Variants in ZMYM6 observed in about 807,000 individuals in gnomAD.
ZMYM6 encodes the protein zinc finger MYM-type containing 6.
A neutral mutation model predicts 134.0 loss-of-function variants in ZMYM6; 90 were observed. The observed-to-expected ratio is 0.67, with a 90% CI of 0.57 to 0.80. The LOEUF (loss-of-function observed/expected upper bound fraction) is 0.80. Among genes scored for constraint, ZMYM6 ranks in the 30% least tolerant of loss-of-function variants. The pLI, the probability that ZMYM6 is intolerant of heterozygous loss-of-function variation, is 0.00. For missense variants in ZMYM6, 1,362 were observed against 1,533.9 expected (o/e 0.89, Z 1.87); for synonymous variants, 481 against 524.1 (o/e 0.92, Z 1.12).
In ZMYM6 at chr1:34,992,097, TCAAAG is replaced by T. The variant is rs747776274; in HGVS notation, c.2146+132_2146+136del. The T allele has an allele frequency of 1.2e-5, 13 of 1,112,602 alleles. No homozygotes were observed. In the African/African-American group the frequency reaches 1.9e-4, roughly 16 times the overall value. 68.9% of individuals were successfully genotyped at this position (1,112,602 alleles called of 1,614,324 possible). ...ATTATGAAAGCAATAAATTAAGTAT[TCAAAG>T]CATGTGATCCAAGAAAAGGAATGTT... is the stretch of plus-strand genomic sequence containing the variant. On this transcript the variant is annotated intron_variant, in intron 15 of 15. Transcript: ENST00000357182.
intron 2 of ZMYM6, among the ~76,000 whole-genome samples, chr1:35,024,082 G>C (rs917233886): frequency 1.3e-5 from 2 of 152,044 alleles, no homozygotes; most frequent in African/African-American, 4.8e-5. Context: ...GCTCATTGAT[G>C]TTTCAATTGC....
At chr1:35,024,787 T>C (rs1314547444) in intron 2 of ZMYM6, among the ~76,000 whole-genome samples, 1 of 152,166 alleles carries the variant, frequency 6.6e-6, no homozygotes. Context: ...CTTCCTCTCC[T>C]TCCCATATAG....
intron 15 of ZMYM6, chr1:34,989,151 A>C (rs531916520): frequency 7.4e-5 from 98 of 1,333,296 alleles, no homozygotes; most frequent in Middle Eastern, 2.9e-4. Flanking sequence ...AGGTATAATA[A>C]AACTGTAGGA....
At chr1:34,990,370 C>T in intron 15 of ZMYM6, 2 of 206,914 alleles carry the variant, frequency 9.7e-6, no homozygotes, top group South Asian at 5.6e-5. Flanking sequence ...GTAATCCCAG[C>T]TACTCAGGAG....
At position 35,019,389 on chromosome 1, in the gene ZMYM6, G is replaced by C. The variant is rs749819751; in HGVS notation, c.392C>G (p.Pro131Arg). The change falls in exon 4 of 16, where the codon CCA (proline) becomes CGA (arginine). Residue 131 changes from proline (P) to arginine (R), a missense_variant. By Grantham distance (103) the Pro-to-Arg change is moderately radical. Around this residue, in one of 3 missense-constraint regions of ZMYM6, gnomAD observed 503 missense variants for 520.8 expected, o/e 0.97. Transcript: ENST00000357182. Reference protein sequence around the residue: ...ITRHSSPACLPPPPKKTCTNC... With the variant: ...ITRHSSPACLRPPPKKTCTNC... ...TGTGCAGGTTTTCTTGGGAGGAGGT[G>C]GCAGGCAGGCAGGTGAAGAATGTCT... The C allele has an allele frequency of 6.2e-7, 1 of 1,614,158 alleles. No individual in the cohort carries two copies. The highest frequency in any genetic ancestry group is 8.5e-7 in the Non-Finnish European group (1 of 1,180,022).
Position 35,010,942 on chromosome 1 carries a change from A to G in ZMYM6, c.1157T>C (p.Val386Ala), listed in dbSNP as rs1641073717. 1.2e-6 allele frequency: 2 copies of G among 1,612,664 alleles called. No homozygotes were observed. The highest frequency in any genetic ancestry group is 2.2e-5 in the East Asian group (1 of 44,886). ...VVSPPSSRSA[V>A]SIGGGNTSAV... is the part of the protein sequence containing the mutation. ...AGAGGTGTTACCTCCTCCTATTGAC[A>G]CTGCTGACCTGGAGGAGGGCGGGCT... The change falls in exon 9 of 16, where the codon GTG becomes GCG. Residue 386 changes from valine to alanine, a missense_variant. Val to Ala is a moderately conservative substitution (Grantham distance 64). Transcript: ENST00000357182.
chr1:34,997,771 C>G (rs1294743056), intron 14 of ZMYM6, among the ~76,000 whole-genome samples: 1 of 152,102 alleles, frequency 6.6e-6, no homozygotes, highest in African/African-American at 2.4e-5. Flanking sequence ...GACCTCTACA[C>G]CGTTAAAATT....
rs1488383304 is a variant in ZMYM6, at chr1:35,010,420, CTGTGAATA to C, written c.1492+19_1492+26del. On this transcript the variant is annotated intron_variant, in intron 10 of 15. Transcript: ENST00000357182. ...GTCATGAATTATAACAACCCATGCTCTGTGAATAAAACAACTTTGTCTTTACCTTCACT... is the reference window on the plus strand; with the variant it reads ...GTCATGAATTATAACAACCCATGCTCAAACAACTTTGTCTTTACCTTCACT... The C allele has an allele frequency of 6.3e-7, 1 of 1,596,026 alleles. No homozygotes were observed. Among genetic ancestry groups the C allele is most frequent in the Admixed American group, 1.8e-5 (1 of 54,522 alleles).
At chr1:34,995,430 A>C (rs1640768075) in intron 14 of ZMYM6, among the ~76,000 whole-genome samples, 1 of 151,966 alleles carries the variant, frequency 6.6e-6, no homozygotes, top group African/African-American at 2.4e-5. Context: ...CTATACATAT[A>C]TACCTATGAT....
At chr1:34,994,184 G>A (rs576180955) in intron 14 of ZMYM6, among the ~76,000 whole-genome samples, 1 of 152,206 alleles carries the variant, frequency 6.6e-6, no homozygotes, top group Admixed American at 6.5e-5. Flanking sequence ...ACAAGACAAA[G>A]TTCTGCTCAT....
Position 35,012,478 on chromosome 1 carries a change from G to C in ZMYM6, c.899C>G (p.Ser300Cys). ...NDSGKTELFCSINCLSAYRVK... is the reference protein window; with the variant it reads ...NDSGKTELFCCINCLSAYRVK... ...TCTGTAAGCAGATAAGCAATTAATA[G>C]AGCAGAAAAGCTCTGTTTTTCCTGA... The change falls in exon 7 of 16, where the codon TCT becomes TGT. Residue 300 changes from serine (S) to cysteine (C), a missense_variant. Ser to Cys is a moderately radical substitution (Grantham distance 112, BLOSUM62 -1). Transcript: ENST00000357182. 6.2e-7 allele frequency: 1 copy of C among 1,611,762 alleles called. No homozygotes were observed. The highest frequency in any genetic ancestry group is 8.5e-7 in the Non-Finnish European group (1 of 1,179,200).
At chr1:34,996,768 T>C (rs1308480412) in intron 14 of ZMYM6, among the ~76,000 whole-genome samples, 1 of 152,240 alleles carries the variant, frequency 6.6e-6, no homozygotes, top group African/African-American at 2.4e-5. Flanking sequence ...ACAAGGCCAC[T>C]GTGTATGCCT....
At position 35,012,821 on chromosome 1, in the gene ZMYM6, T is replaced by A. The variant is rs1361003447; in HGVS notation, c.796-240A>T. The A allele has an allele frequency of 4.1e-6, 4 of 985,100 alleles. No individual in the cohort carries two copies. In the African/African-American group the frequency reaches 7.0e-5, roughly 17 times the overall value. The allele number at this position is 985,100 out of a possible 1,614,324, so 61.0% of individuals were successfully genotyped here. ...ATCTTAGCAAACAAAACACATGAAT[T>A]CAAACACAAGTAATGAATTAAATAG... is the stretch of plus-strand genomic sequence containing the variant. On this transcript the variant is annotated intron_variant, in intron 6 of 15. Transcript: ENST00000357182.
intron 14 of ZMYM6, among the ~76,000 whole-genome samples, chr1:35,001,409 G>A (rs1199925081): frequency 6.6e-6 from 1 of 151,244 alleles, no homozygotes; most frequent in African/African-American, 2.4e-5. Context: ...CTCCACATAG[G>A]GAAAACATAT....
At position 35,002,694 on chromosome 1, in the gene ZMYM6, G is replaced by A. The variant is rs959046808; in HGVS notation, c.1992+1274C>T. ...GTACACTCTCCTAAATTAATAGCAT[G>A]AGATATCACAGCAGTGGTTTGGTCA... On this transcript the variant is annotated intron_variant, in intron 14 of 15. Coordinates refer to ENST00000357182, the MANE Select transcript of ZMYM6 (RefSeq NM_007167.4). Among the ~76,000 whole-genome samples the A allele has an allele frequency of 2.0e-5, 3 of 152,140 alleles. No homozygotes were observed. In the South Asian group the frequency reaches 6.2e-4, roughly 32 times the overall value.
Position 35,011,014 on chromosome 1 carries a change from C to A in ZMYM6, c.1085G>T (p.Gly362Val). 2 of 1,613,554 alleles carry A rather than the reference C, an allele frequency of 1.2e-6. No homozygotes were observed. The highest frequency in any genetic ancestry group is 2.2e-5 in the South Asian group (2 of 91,024). The change falls in exon 9 of 16, where the codon GGA (glycine) becomes GTA (valine). Residue 362 changes from glycine (G) to valine (V), a missense_variant. Around this residue, in one of 3 missense-constraint regions of ZMYM6, gnomAD observed 503 missense variants for 520.8 expected, o/e 0.97. Coordinates refer to ENST00000357182, the MANE Select transcript of ZMYM6 (RefSeq NM_007167.4). The part of the protein sequence containing the change: ...AFQNVFSKPK[G>V]TNSSAVPLSQ... ...CAGGGGCACCGCCGAAGAGTTTGTT[C>A]CTTTTGGCTTGCTAAATACATTCTG...
chr1:35,025,608 A>C (rs1641399521), intron 2 of ZMYM6, among the ~76,000 whole-genome samples: 1 of 152,152 alleles, frequency 6.6e-6, no homozygotes, highest in African/African-American at 2.4e-5. Context: ...ACAGTCACTC[A>C]ACAAATATTA....
chr1:35,007,407 G>A (rs916519652), intron 11 of ZMYM6, among the ~76,000 whole-genome samples: 1 of 152,046 alleles, frequency 6.6e-6, no homozygotes, highest in African/African-American at 2.4e-5. Context: ...TGACCAACAT[G>A]GTGAAACCCC....
At chr1:35,006,861 ATTTTGT>A in intron 12 of ZMYM6, 84 bp downstream of exon 12, 1 of 1,193,002 alleles carries the variant, frequency 8.4e-7, no homozygotes, top group Non-Finnish European at 1.1e-6. Flanking sequence ...ATCCAATGAA[ATTTTGT>A]TTTTATTATA....
Sources: gnomAD v4.1 joint callset for allele counts (sites outside exome capture counted in the v4.1 genomes callset) on GRCh38, gnomAD v4.1.1 for gene constraint, gnomAD v4.1.1 regional missense constraint, MANE v1.5 for transcripts, NCBI Gene and HGNC (gene_info 2026-07-23, HGNC 2026-07-21) for gene names.